Variants in PCDHA6 observed in about 807,000 individuals in gnomAD.
PCDHA6 encodes protocadherin alpha 6.
PCDHA6 carries 55 observed loss-of-function variants against 60.3 expected under a neutral mutation model. That is an observed-to-expected ratio of 0.91 (90% CI 0.73 to 1.14). PCDHA6 has a LOEUF of 1.14. Among genes scored for constraint, PCDHA6 ranks in the 50% most tolerant of loss-of-function variants. PCDHA6 has a pLI of 0.00. For synonymous variants in PCDHA6, 652 were observed against 557.9 expected, an observed-to-expected ratio of 1.17 and a Z score of -2.38; for missense variants, 1,327 against 1,256.5, an observed-to-expected ratio of 1.06 and a Z score of -0.85.
chr5:140,875,579 A>G (rs552791418), intron 1 of PCDHA6: 3 of 1,614,050 alleles, frequency 1.9e-6, no homozygotes, highest in Non-Finnish European at 2.5e-6. Context: ...TACTCCGTCT[A>G]CGAGGAGGCC....
At chr5:140,995,999 G>A (rs1489207802) in intron 3 of PCDHA6, among the ~76,000 whole-genome samples, 3 of 152,198 alleles carry the variant, frequency 2.0e-5, no homozygotes, top group Admixed American at 6.5e-5. Context: ...CAAAAATGTC[G>A]TCAGAACTAT....
At chr5:140,884,499 C>A (rs782667822) in intron 1 of PCDHA6, 2 of 1,614,062 alleles carry the variant, frequency 1.2e-6, no homozygotes, top group Non-Finnish European at 8.5e-7. Flanking sequence ...TGCTCCAGCG[C>A]GGCAGGGAGT....
At chr5:140,884,493 C>G (rs782633321) in intron 1 of PCDHA6, 4 of 1,613,920 alleles carry the variant, frequency 2.5e-6, no homozygotes, top group South Asian at 1.1e-5. Context: ...CTAGTGTGCT[C>G]CAGCGCGGCA....
intron 1 of PCDHA6, chr5:140,866,074 T>C (rs1409925126): frequency 6.6e-6 from 1 of 152,180 alleles, no homozygotes; most frequent in Non-Finnish European, 1.5e-5. Context: ...CTGAGATAGG[T>C]ATTTTGGTTA....
At chr5:140,835,560 G>T (rs2150238266) in intron 1 of PCDHA6, 1 of 1,613,902 alleles carries the variant, frequency 6.2e-7, no homozygotes, top group South Asian at 1.1e-5. Flanking sequence ...GACGCCCCGC[G>T]TTCCCTTCAA....
At chr5:140,965,402 G>A (rs1554227671) in intron 1 of PCDHA6, among the ~76,000 whole-genome samples, 1 of 152,112 alleles carries the variant, frequency 6.6e-6, no homozygotes, top group Non-Finnish European at 1.5e-5. Context: ...AGTCTAAGGA[G>A]TCTTATATTT....
At chr5:140,972,660 A>T (rs868975656) in intron 1 of PCDHA6, among the ~76,000 whole-genome samples, 47 of 117,276 alleles carry the variant, frequency 4.0e-4, no homozygotes, top group Non-Finnish European at 6.8e-4. Flanking sequence ...AAGAAACCAA[A>T]TTTTTTTTTT....
chr5:140,915,863 A>C (rs1424465325), intron 1 of PCDHA6, among the ~76,000 whole-genome samples: 1 of 152,172 alleles, frequency 6.6e-6, no homozygotes, highest in Non-Finnish European at 1.5e-5. Context: ...CCAAGTTTGC[A>C]TCCTTCCCTT....
intron 1 of PCDHA6, chr5:140,841,116 TA>T: frequency 1.6e-6 from 1 of 615,476 alleles, no homozygotes; most frequent in Non-Finnish European, 2.8e-6. Flanking sequence ...GTAATTCATG[TA>T]ATCATTACCT....
At chr5:140,954,287 TG>T (rs1353316805) in intron 1 of PCDHA6, among the ~76,000 whole-genome samples, 1 of 152,248 alleles carries the variant, frequency 6.6e-6, no homozygotes, top group Non-Finnish European at 1.5e-5. Flanking sequence ...TATATTCCTT[TG>T]GGTACATACC....
intron 1 of PCDHA6, among the ~76,000 whole-genome samples, chr5:140,880,775 ATGTT>A (rs1320602954): frequency 6.6e-6 from 1 of 152,230 alleles, no homozygotes; most frequent in Admixed American, 6.5e-5. Context: ...GCTAAAAAGA[ATGTT>A]AGAGGAGTAA....
chr5:140,917,223 C>G (rs1351907671), intron 1 of PCDHA6, among the ~76,000 whole-genome samples: 3 of 150,934 alleles, frequency 2.0e-5, no homozygotes, highest in African/African-American at 7.3e-5. Context: ...TTTAGTGATA[C>G]GTTGTTAAAT....
chr5:140,870,420 G>C lies in PCDHA6; in HGVS notation c.2394+39935G>C, dbSNP rs371557347. 1.3e-4 allele frequency: 208 copies of C among 1,614,234 alleles called. No homozygotes were observed. The highest frequency in any genetic ancestry group is 1.7e-4 in the Non-Finnish European group (202 of 1,180,052). Reference sequence around the variant, plus strand: ...CGCCTTCTCTGTGGGCCACGGCCAGGGTATCCGTGGAGGTGGCCGACGTGA... The same window carrying C: ...CGCCTTCTCTGTGGGCCACGGCCAGCGTATCCGTGGAGGTGGCCGACGTGA... On this transcript the variant is annotated intron_variant, in intron 1 of 3. Transcript: ENST00000529310.
At chr5:140,836,354 C>T in intron 1 of PCDHA6, 2 of 1,613,672 alleles carry the variant, frequency 1.2e-6, no homozygotes, top group South Asian at 1.1e-5. Flanking sequence ...ACGGGGAGCC[C>T]TCGCTGACAG....
rs781814958 is a variant in PCDHA6 at position 140,869,604 on chromosome 5, A to G, written c.2394+39119A>G. On this transcript the variant is annotated intron_variant, in intron 1 of 3. Transcript: ENST00000529310. ...ATGCTGACATTGAAGAGAATGCTCTATTGACCTACAGGCTAAGTAAAAATG... is the reference window on the plus strand; with the variant it reads ...ATGCTGACATTGAAGAGAATGCTCTGTTGACCTACAGGCTAAGTAAAAATG... 5 of 1,613,944 alleles carry G rather than the reference A, an allele frequency of 3.1e-6. No individual in the cohort carries two copies. In the African/African-American group the frequency reaches 4.0e-5, roughly 13 times the overall value.
intron 1 of PCDHA6, among the ~76,000 whole-genome samples, chr5:140,873,125 A>G (rs1252639627): frequency 6.6e-6 from 1 of 152,208 alleles, no homozygotes. Context: ...CAATATTCAA[A>G]GAGTCTATGC....
intron 1 of PCDHA6, among the ~76,000 whole-genome samples, chr5:140,975,810 A>T (rs1310331964): frequency 7.4e-6 from 1 of 134,690 alleles, no homozygotes; most frequent in African/African-American, 2.5e-5. Context: ...TTATAATTTT[A>T]ATAGGAACTG....
rs2150184888 is a variant in PCDHA6, at chr5:140,830,320, C to G, written c.2229C>G (p.Ser743Arg). 31 of 1,613,872 alleles carry G rather than the reference C, an allele frequency of 1.9e-5. No homozygotes were observed. The African/African-American group carries it at 2.7e-4, about 14-fold the overall frequency. ...ACAAGCCCACGCTGGTGTGCTCCAGCGCAGTGGGGAGCTGGTCGTACTCGC... is the reference window on the plus strand; with the variant it reads ...ACAAGCCCACGCTGGTGTGCTCCAGGGCAGTGGGGAGCTGGTCGTACTCGC... ...TADKPTLVCS[S>R]AVGSWSYSQQ... Residue 743 changes from serine to arginine, a missense_variant, in exon 1 of 4, where the codon AGC (serine) becomes AGG (arginine). Transcript: ENST00000529310.
intron 1 of PCDHA6, chr5:140,850,070 C>G: frequency 6.3e-7 from 1 of 1,596,564 alleles, no homozygotes; most frequent in Non-Finnish European, 8.6e-7. Context: ...CGTTGGACCA[C>G]GAGGAGCTGG....
Sources: allele counts gnomAD v4.1 joint callset (sites outside exome capture counted in the v4.1 genomes callset), GRCh38; gene constraint gnomAD v4.1.1; transcripts MANE v1.5; gene names NCBI Gene and HGNC (gene_info 2026-07-23, HGNC 2026-07-21).